The following TUSC3 variants were observed in gnomAD, a reference collection of about 807,000 sequenced individuals.
The protein encoded by TUSC3 is tumor suppressor candidate 3.
Under a neutral mutation model 44.8 loss-of-function variants are expected in TUSC3, and 45 were observed. The ratio of observed to expected loss-of-function variants is 1.00; its 90% CI spans 0.79 to 1.29. TUSC3 has a LOEUF of 1.29. TUSC3 is among the 50% of genes most tolerant of loss of function. TUSC3 has a pLI of 0.00. For synonymous variants in TUSC3, 212 were observed against 152.9 expected (o/e 1.39, Z -2.85); for missense variants, 519 against 437.9 (o/e 1.19, Z -1.65).
chr8:15,767,375 G>C (rs990265211), downstream of TUSC3, among the ~76,000 whole-genome samples: 15 of 150,168 alleles, frequency 1.0e-4, no homozygotes, highest in Non-Finnish European at 2.1e-4. Context: ...ATTATGCATA[G>C]ATGTCAGGAA....
intron 1 of TUSC3, among the ~76,000 whole-genome samples, chr8:15,614,558 T>C (rs79360583): frequency 0.026 from 3,932 of 152,278 alleles, 93 homozygotes; most frequent in Non-Finnish European, 0.038. Flanking sequence ...TGGTCTGTTA[T>C]GTCTGGCTTC....
At chr8:15,604,496 A>G (rs1328686043) in intron 1 of TUSC3, among the ~76,000 whole-genome samples, 1 of 151,768 alleles carries the variant, frequency 6.6e-6, no homozygotes, top group Non-Finnish European at 1.5e-5. Context: ...AGTAGTTATT[A>G]ACAAGAAAAT....
At chr8:15,465,537 CT>C (rs1800403238) in intron 1 of TUSC3, among the ~76,000 whole-genome samples, 1 of 152,032 alleles carries the variant, frequency 6.6e-6, no homozygotes, top group South Asian at 2.1e-4. Flanking sequence ...TGTTAAAATG[CT>C]TTTTAAAAAT....
chr8:15,800,565 C>T, the TUSC3 span, among the ~76,000 whole-genome samples: 1 of 150,044 alleles, frequency 6.7e-6, no homozygotes. Flanking sequence ...GGGAGTGAGA[C>T]CCTGTCTTTA....
chr8:15,495,121 A>G (rs1800864134), intron 2 of TUSC3, among the ~76,000 whole-genome samples: 1 of 151,790 alleles, frequency 6.6e-6, no homozygotes, highest in Middle Eastern at 3.4e-3. Flanking sequence ...TCCCTGGTGT[A>G]TATGTACCAT....
chr8:15,448,722 A>G (rs961504543), intron 1 of TUSC3, among the ~76,000 whole-genome samples: 1 of 152,210 alleles, frequency 6.6e-6, no homozygotes, highest in Non-Finnish European at 1.5e-5. Flanking sequence ...TGAAACTAAA[A>G]ATGTTTTAAT....
intron 10 of TUSC3, among the ~76,000 whole-genome samples, chr8:15,763,624 A>G (rs986688089): frequency 6.6e-6 from 1 of 151,996 alleles, no homozygotes; most frequent in Non-Finnish European, 1.5e-5. Context: ...ATTTTGTTTC[A>G]TAAATTAAAG....
At chr8:15,710,087 TC>T (rs910142368) in intron 6 of TUSC3, among the ~76,000 whole-genome samples, 1 of 151,764 alleles carries the variant, frequency 6.6e-6, no homozygotes, top group Non-Finnish European at 1.5e-5. Context: ...CTTAGTGCGC[TC>T]CCCTCCCTGC....
chr8:15,773,581 A>G, the TUSC3 span, among the ~76,000 whole-genome samples: 10 of 152,162 alleles, frequency 6.6e-5, no homozygotes, highest in African/African-American at 2.4e-4. Flanking sequence ...TGCAAAAATA[A>G]GAAAGCTGAT....
intron 6 of TUSC3, among the ~76,000 whole-genome samples, chr8:15,681,258 C>G (rs1808419893): frequency 1.3e-5 from 2 of 148,156 alleles, no homozygotes; most frequent in Non-Finnish European, 3.0e-5. Flanking sequence ...GGTACCAGTT[C>G]TTCTTTATAT....
chr8:15,778,099 CAA>C, the TUSC3 span, among the ~76,000 whole-genome samples: 3 of 134,666 alleles, frequency 2.2e-5, no homozygotes, highest in Non-Finnish European at 1.6e-5. Flanking sequence ...CACTTTAAGG[CAA>C]AAAAAAAAAA....
chr8:15,796,924 T>C, the TUSC3 span, among the ~76,000 whole-genome samples: 7 of 152,156 alleles, frequency 4.6e-5, no homozygotes, highest in Non-Finnish European at 8.8e-5. Context: ...GGTCATGTTT[T>C]TTATGTCAGA....
chr8:15,437,319 G>A (rs966225345), intron 1 of TUSC3, among the ~76,000 whole-genome samples: 2 of 152,126 alleles, frequency 1.3e-5, no homozygotes, highest in African/African-American at 4.8e-5. Flanking sequence ...AGGCTGTTTA[G>A]TCTAGACCTA....
At chr8:15,657,610 CTCT>C (rs1346595771) in intron 3 of TUSC3, among the ~76,000 whole-genome samples, 1 of 152,308 alleles carries the variant, frequency 6.6e-6, no homozygotes, top group East Asian at 1.9e-4. Flanking sequence ...TGCACCTCCC[CTCT>C]TCTTCTGAGC....
intron 5 of TUSC3, among the ~76,000 whole-genome samples, chr8:15,663,260 TTATA>T (rs1807507782): frequency 2.0e-5 from 3 of 151,722 alleles, no homozygotes; most frequent in Non-Finnish European, 4.4e-5. Context: ...GATAAATACA[TTATA>T]TATCTGTATA....
intron 2 of TUSC3, among the ~76,000 whole-genome samples, chr8:15,515,953 G>A (rs1000914365): frequency 6.6e-6 from 1 of 152,148 alleles, no homozygotes; most frequent in Non-Finnish European, 1.5e-5. Context: ...AGAGGCATGA[G>A]CCACCATGCC....
chr8:15,704,002 AAAGCTTTTATTT>A (rs1367693791), intron 6 of TUSC3, among the ~76,000 whole-genome samples: 4 of 152,154 alleles, frequency 2.6e-5, no homozygotes, highest in Non-Finnish European at 4.4e-5. Context: ...ATAACCTCAA[AAAGCTTTTATTT>A]TAGCCAGGGG....
chr8:15,638,103 C>T (rs969480706), intron 2 of TUSC3, among the ~76,000 whole-genome samples: 6 of 152,040 alleles, frequency 3.9e-5, no homozygotes, highest in African/African-American at 1.4e-4. Flanking sequence ...TGTTATAGAC[C>T]TGTTCTCAGT....
chr8:15,626,980 TG>T (rs71211065), intron 2 of TUSC3, among the ~76,000 whole-genome samples: 152,260 of 152,260 alleles, frequency 1, 76,130 homozygotes, highest in Non-Finnish European at 1. Context: ...GCCTGAAGCC[TG>T]GGGGGCTGGG....
Sources: allele counts gnomAD v4.1 joint callset (sites outside exome capture counted in the v4.1 genomes callset), GRCh38; gene constraint gnomAD v4.1.1; transcripts MANE v1.5; gene names NCBI Gene and HGNC (gene_info 2026-07-23, HGNC 2026-07-21).